Variants in TMEM135 observed in about 807,000 individuals in gnomAD.
The protein encoded by TMEM135 is peroxisomal membrane protein 52.
A neutral mutation model predicts 60.3 loss-of-function variants in TMEM135; 30 were observed. The observed-to-expected ratio is 0.50, with a 90% CI of 0.37 to 0.68. The LOEUF (loss-of-function observed/expected upper bound fraction) is 0.68. Among genes scored for constraint, TMEM135 ranks in the 30% least tolerant of loss-of-function variants. The probability of loss-of-function intolerance (pLI) is 0.00; values close to 1 mark genes in which losing one functional copy is unlikely to be tolerated. For synonymous variants in TMEM135, 190 were observed against 186.7 expected (o/e 1.02, Z -0.14); for missense variants, 468 against 548.8 (o/e 0.85, Z 1.47).
chr11:87,247,904 C>G (rs1591137017), intron 6 of TMEM135, among the ~76,000 whole-genome samples: 1 of 152,062 alleles, frequency 6.6e-6, no homozygotes, highest in African/African-American at 2.4e-5. Context: ...TGAGATAAAC[C>G]CGGTACCTCA....
chr11:87,259,436 A>G (rs957407872), intron 6 of TMEM135, among the ~76,000 whole-genome samples: 1 of 151,330 alleles, frequency 6.6e-6, no homozygotes, highest in Non-Finnish European at 1.5e-5. Context: ...CACACACACT[A>G]CATATATATA....
chr11:87,215,014 A>G (rs1178059880), intron 5 of TMEM135, among the ~76,000 whole-genome samples: 1 of 152,154 alleles, frequency 6.6e-6, no homozygotes, highest in Non-Finnish European at 1.5e-5. Flanking sequence ...TTGGTAATGC[A>G]GAAATCCAAG....
intron 6 of TMEM135, among the ~76,000 whole-genome samples, chr11:87,255,234 G>A (rs1941501989): frequency 1.3e-5 from 2 of 152,126 alleles, no homozygotes; most frequent in Admixed American, 1.3e-4. Flanking sequence ...GAAGAGGGCA[G>A]GGCAAAGAAA....
intron 8 of TMEM135, among the ~76,000 whole-genome samples, chr11:87,304,089 G>A (rs116504671): frequency 0.036 from 5,502 of 152,226 alleles, 94 homozygotes; most frequent in Admixed American, 0.046. Context: ...AGAAAATTTA[G>A]GCCAGGCATG....
chr11:87,094,399 A>T (rs1277624026), intron 4 of TMEM135, among the ~76,000 whole-genome samples: 1 of 152,038 alleles, frequency 6.6e-6, no homozygotes, highest in African/African-American at 2.4e-5. Flanking sequence ...TTTTGTTATA[A>T]TTTTTCAGTA....
intron 6 of TMEM135, among the ~76,000 whole-genome samples, chr11:87,253,661 A>C (rs1366596256): frequency 1.5e-4 from 1 of 6,630 alleles, no homozygotes; most frequent in Non-Finnish European, 4.0e-4. Flanking sequence ...ATATATATAT[A>C]TATATATATA....
chr11:87,303,997 A>G (rs1057394502), intron 8 of TMEM135, among the ~76,000 whole-genome samples: 3 of 152,206 alleles, frequency 2.0e-5, no homozygotes, highest in Non-Finnish European at 4.4e-5. Context: ...CAGGCATTCC[A>G]GGTGCTGGGA....
chr11:87,170,369 G>T (rs546933540), intron 5 of TMEM135, among the ~76,000 whole-genome samples: 3 of 152,014 alleles, frequency 2.0e-5, no homozygotes, highest in Non-Finnish European at 2.9e-5. Flanking sequence ...GAGGCATTCT[G>T]GTTTTTGGAA....
intron 1 of TMEM135, among the ~76,000 whole-genome samples, chr11:87,046,207 A>C (rs1244676058): frequency 6.6e-6 from 1 of 152,152 alleles, no homozygotes; most frequent in Non-Finnish European, 1.5e-5. Flanking sequence ...GGAGTTCGAG[A>C]CCAGCCTGGT....
intron 5 of TMEM135, among the ~76,000 whole-genome samples, chr11:87,215,059 T>G (rs1447305176): frequency 1.3e-5 from 2 of 152,130 alleles, no homozygotes; most frequent in Non-Finnish European, 2.9e-5. Flanking sequence ...AAAATATATT[T>G]AATTATATTA....
intron 6 of TMEM135, among the ~76,000 whole-genome samples, chr11:87,275,491 AT>A (rs139667245): frequency 4.2e-4 from 64 of 152,198 alleles, no homozygotes; most frequent in African/African-American, 1.2e-3. Context: ...TAAAAAAAAA[AT>A]AACCAAATAT....
chr11:87,263,880 T>C (rs937351491), intron 6 of TMEM135, among the ~76,000 whole-genome samples: 4 of 152,048 alleles, frequency 2.6e-5, no homozygotes, highest in Admixed American at 2.0e-4. Flanking sequence ...TTGAAATTTA[T>C]GTGAGGGACA....
chr11:87,197,650 C>G (rs1939991679), intron 5 of TMEM135, among the ~76,000 whole-genome samples: 2 of 140,690 alleles, frequency 1.4e-5, no homozygotes, highest in African/African-American at 5.1e-5. Context: ...TTATGTGTAG[C>G]TTAGCAAAAA....
At chr11:87,309,756 T>C in intron 10 of TMEM135, 84 bp downstream of exon 10, 2 of 1,406,922 alleles carry the variant, frequency 1.4e-6, no homozygotes, top group Admixed American at 1.8e-5. Context: ...AGTTCACTTA[T>C]TTTTTAATGC....
chr11:87,292,214 C>T (rs1199247066), intron 6 of TMEM135, among the ~76,000 whole-genome samples: 1 of 152,156 alleles, frequency 6.6e-6, no homozygotes, highest in Non-Finnish European at 1.5e-5. Context: ...CACTGTTTCT[C>T]CCCTTATCTT....
At chr11:87,311,152 A>G (rs899120029) in intron 10 of TMEM135, among the ~76,000 whole-genome samples, 23 of 151,708 alleles carry the variant, frequency 1.5e-4, no homozygotes, top group African/African-American at 5.5e-4. Context: ...TTTTGTTGTT[A>G]AATGCAGAGA....
chr11:87,183,189 C>T (rs1442492630), intron 5 of TMEM135, among the ~76,000 whole-genome samples: 2 of 131,526 alleles, frequency 1.5e-5, no homozygotes, highest in African/African-American at 5.9e-5. Context: ...GTCGCCCAGG[C>T]TGGAGTGCAG....
At chr11:87,210,403 A>G (rs1163023196) in intron 5 of TMEM135, among the ~76,000 whole-genome samples, 2 of 152,220 alleles carry the variant, frequency 1.3e-5, no homozygotes, top group Non-Finnish European at 2.9e-5. Flanking sequence ...CACACAAACT[A>G]GGAAACCTAG....
intron 4 of TMEM135, among the ~76,000 whole-genome samples, chr11:87,130,934 C>CT (rs750218106): frequency 0.018 from 2,604 of 142,644 alleles, 39 homozygotes; most frequent in African/African-American, 0.051. Flanking sequence ...TTACAGTTTT[C>CT]TTTTTTTTTT....
Sources: gnomAD v4.1 joint callset for allele counts (sites outside exome capture counted in the v4.1 genomes callset) on GRCh38, gnomAD v4.1.1 for gene constraint, MANE v1.5 for transcripts, NCBI Gene and HGNC (gene_info 2026-07-23, HGNC 2026-07-21) for gene names.